The following GPBP1 variants were observed in gnomAD, a reference collection of about 807,000 sequenced individuals.
The protein encoded by GPBP1 is vasculin.
Under a neutral mutation model 56.5 loss-of-function variants are expected in GPBP1, and 13 were observed. That is an observed-to-expected ratio of 0.23 (90% CI 0.15 to 0.37). The LOEUF (loss-of-function observed/expected upper bound fraction) is 0.37. Among genes scored for constraint, GPBP1 ranks in the 10% least tolerant of loss-of-function variants. The pLI, the probability that GPBP1 is intolerant of heterozygous loss-of-function variation, is 1.00. For missense variants in GPBP1, 477 were observed against 572.3 expected (o/e 0.83, Z 1.70); for synonymous variants, 204 against 188.9 (o/e 1.08, Z -0.66).
rs145149550 is a variant in GPBP1, at chr5:57,244,432, T to C, written c.479-1868T>C. On this transcript the variant is annotated intron_variant, in intron 6 of 11. Transcript: ENST00000506184. Reference sequence around the variant, plus strand: ...TTGAACTAGAAGTCTCTGTTAGCCATGTTTAAACTTACTTAGTTGTAGTAT... The same window carrying C: ...TTGAACTAGAAGTCTCTGTTAGCCACGTTTAAACTTACTTAGTTGTAGTAT... Among the ~76,000 whole-genome samples, 474 of 152,338 alleles carry C rather than the reference T, an allele frequency of 3.1e-3. 4 individuals are homozygous for C. Among genetic ancestry groups the C allele is most frequent in the African/African-American group, 0.011 (453 of 41,582 alleles).
intron 2 of GPBP1, among the ~76,000 whole-genome samples, chr5:57,181,029 A>G (rs1754021427): frequency 6.6e-6 from 1 of 152,204 alleles, no homozygotes; most frequent in African/African-American, 2.4e-5. Flanking sequence ...TATAGTTTGA[A>G]AACTGAATTA....
chr5:57,179,893 G>A lies in GPBP1; in HGVS notation c.-58+3493G>A, dbSNP rs569317377. On this transcript the variant is annotated intron_variant, in intron 2 of 11. Transcript: ENST00000506184. ...ATTATGGGTGAGAGCCACTGGGCCCGGCCCCTTGTCTCTGTTTTTGAATTG... is the reference window on the plus strand; with the variant it reads ...ATTATGGGTGAGAGCCACTGGGCCCAGCCCCTTGTCTCTGTTTTTGAATTG... 3.3e-5 allele frequency among the ~76,000 whole-genome samples: 5 copies of A among 152,208 alleles called. No homozygotes were observed. In the East Asian group the frequency reaches 9.6e-4, roughly 29 times the overall value.
At chr5:57,186,408 T>C (rs952833791) in intron 2 of GPBP1, among the ~76,000 whole-genome samples, 2 of 151,974 alleles carry the variant, frequency 1.3e-5, no homozygotes, top group Non-Finnish European at 2.9e-5. Context: ...AAAAAATTTT[T>C]TTTTCTTTCA....
At chr5:57,197,469 T>G (rs1162924885) in intron 2 of GPBP1, among the ~76,000 whole-genome samples, 1 of 148,610 alleles carries the variant, frequency 6.7e-6, no homozygotes, top group East Asian at 2.0e-4. Flanking sequence ...GCAGTTCTCC[T>G]GCCTCAGCCT....
chr5:57,251,266 G>A, intron 10 of GPBP1, 125 bp downstream of exon 10: 1 of 779,528 alleles, frequency 1.3e-6, no homozygotes, highest in South Asian at 1.9e-5. Context: ...CACCCATTAT[G>A]ATATACAGAT....
In GPBP1 at chr5:57,231,150, T is replaced by C; in HGVS notation, c.240T>C (p.Gly80=). The change falls in exon 5 of 12, where the codon GGT becomes GGC. Residue 80 remains glycine, a synonymous_variant. Transcript: ENST00000506184. The stretch of plus-strand genomic sequence containing the variant: ...GATGGCGTACACATGGAAGAAATGG[T>C]ACAGAAAACATAAATCATCGAGGTG... ...KNGWRTHGRN[G]TENINHRGGY... 3 of 1,614,142 alleles carry C rather than the reference T, an allele frequency of 1.9e-6. No individual in the cohort carries two copies. The highest frequency in any genetic ancestry group is 2.5e-6 in the Non-Finnish European group (3 of 1,180,002).
chr5:57,183,078 C>G (rs1344739159), intron 2 of GPBP1, among the ~76,000 whole-genome samples: 1 of 152,018 alleles, frequency 6.6e-6, no homozygotes, highest in Non-Finnish European at 1.5e-5. Flanking sequence ...TTTTAAAACT[C>G]TTAGTTGCCA....
intron 10 of GPBP1, among the ~76,000 whole-genome samples, chr5:57,251,826 C>G (rs1741406615): frequency 6.6e-6 from 1 of 152,156 alleles, no homozygotes; most frequent in South Asian, 2.1e-4. Context: ...GTTCTAGTTT[C>G]TCCACATTCT....
intron 2 of GPBP1, among the ~76,000 whole-genome samples, chr5:57,183,760 T>A (rs2111589894): frequency 6.9e-6 from 1 of 144,652 alleles, no homozygotes; most frequent in East Asian, 2.0e-4. Context: ...ACGGGGGGGA[T>A]ATGAATTTTT....
In GPBP1 at chr5:57,263,202, C is replaced by T. The variant is rs1741981709; in HGVS notation, c.*450C>T. On this transcript the variant is annotated 3_prime_UTR_variant, in exon 12 of 12. Transcript: ENST00000506184. ...CTCAAGTCCACTTTGTGCGGTCTCC[C>T]TCTCCTTCCCCCAAAAAACAACAAC... is the stretch of plus-strand genomic sequence containing the variant. 1 of 152,786 alleles carries T rather than the reference C, an allele frequency of 6.5e-6. No individual in the cohort carries two copies. The highest frequency in any genetic ancestry group is 2.4e-5 in the African/African-American group (1 of 41,440). 9.5% of individuals were successfully genotyped at this position (152,786 alleles called of 1,614,324 possible). A position where few individuals can be genotyped will look rare whatever the true frequency, so the allele number is the denominator to read the frequency against.
At chr5:57,241,522 T>C (rs1740824771) in intron 6 of GPBP1, among the ~76,000 whole-genome samples, 1 of 152,142 alleles carries the variant, frequency 6.6e-6, no homozygotes, top group Admixed American at 6.6e-5. Context: ...AGCCAAGAGT[T>C]TGAGACCAGC....
chr5:57,219,791 G>A (rs1323009680), intron 3 of GPBP1, among the ~76,000 whole-genome samples: 2 of 152,248 alleles, frequency 1.3e-5, no homozygotes, highest in East Asian at 1.9e-4. Flanking sequence ...GGTGGCTCAT[G>A]CCTGTAATCC....
chr5:57,230,035 A>G (rs903366461), intron 3 of GPBP1, among the ~76,000 whole-genome samples: 1 of 149,246 alleles, frequency 6.7e-6, no homozygotes, highest in Non-Finnish European at 1.5e-5. Flanking sequence ...GGTTCAAGCG[A>G]TTCTCTTGCC....
At chr5:57,243,040 C>T (rs549786951) in intron 6 of GPBP1, among the ~76,000 whole-genome samples, 5 of 151,064 alleles carry the variant, frequency 3.3e-5, no homozygotes, top group African/African-American at 4.9e-5. Context: ...TGAGCCACTG[C>T]GCCCGGCCTA....
chr5:57,249,186 C>G (rs1246330653), intron 8 of GPBP1: 3 of 405,480 alleles, frequency 7.4e-6, no homozygotes, highest in African/African-American at 2.0e-5. Context: ...AATCATAGTT[C>G]TGAGTATTAT....
Position 57,262,833 on chromosome 5 carries a change from ATAATT to A in GPBP1, c.*84_*88del, listed in dbSNP as rs1300323733. The A allele has an allele frequency of 3.8e-6, 5 of 1,302,744 alleles. No individual in the cohort carries two copies. Among genetic ancestry groups the A allele is most frequent in the Non-Finnish European group, 5.4e-6 (5 of 930,604 alleles). 80.7% of individuals were successfully genotyped at this position (1,302,744 alleles called of 1,614,324 possible). ...GGGTGAATTGTAAAAATGAAGAACT[ATAATT>A]TATGTAGTGAAATACCCCATTAGAA... is the stretch of plus-strand genomic sequence containing the variant. On this transcript the variant is annotated 3_prime_UTR_variant, in exon 12 of 12. Transcript: ENST00000506184.
At position 57,230,338 on chromosome 5, in the gene GPBP1, T is replaced by G. The variant is rs1240896069; in HGVS notation, c.64-508T>G. Among the ~76,000 whole-genome samples the G allele has an allele frequency of 2.0e-5, 3 of 152,228 alleles. No individual in the cohort carries two copies. In the East Asian group the frequency reaches 5.8e-4, roughly 29 times the overall value. ...GACTTTTATACATTGTTAGAACTTT[T>G]CTGTATTTCTAATTTTTTGGAATAC... is the stretch of plus-strand genomic sequence containing the variant. On this transcript the variant is annotated intron_variant, in intron 3 of 11. Coordinates refer to ENST00000506184, the MANE Select transcript of GPBP1 (RefSeq NM_022913.4).
Position 57,231,167 on chromosome 5 carries a change from A to T in GPBP1, c.257A>T (p.His86Leu), listed in dbSNP as rs755272214. 1.2e-6 allele frequency: 2 copies of T among 1,614,214 alleles called. No homozygotes were observed. Among genetic ancestry groups the T allele is most frequent in the East Asian group, 4.5e-5 (2 of 44,886 alleles). Reference protein sequence around the residue: ...HGRNGTENINHRGGYHGGSSR... With the variant: ...HGRNGTENINLRGGYHGGSSR... ...AGAAATGGTACAGAAAACATAAATC[A>T]TCGAGGTGGATACCATGGTGGAAGT... Residue 86 changes from histidine (H) to leucine (L), a missense_variant, in exon 5 of 12, where the codon CAT (histidine) becomes CTT (leucine). Coordinates refer to ENST00000506184, the MANE Select transcript of GPBP1 (RefSeq NM_022913.4).
rs865825923 is a variant in GPBP1, at chr5:57,250,096, C to G, written c.972+520C>G. 1.0e-4 allele frequency among the ~76,000 whole-genome samples: 15 copies of G among 145,916 alleles called. No individual in the cohort carries two copies. The South Asian group carries it at 1.8e-3, about 18-fold the overall frequency. On this transcript the variant is annotated intron_variant, in intron 9 of 11. Transcript: ENST00000506184. ...GTTCAAGCAATTCTTGTTCCTCAGC[C>G]TTCCTGGTAGCTGGGACTATATTTA... is the stretch of plus-strand genomic sequence containing the variant.
Sources: gnomAD v4.1 joint callset for allele counts (sites outside exome capture counted in the v4.1 genomes callset) on GRCh38, gnomAD v4.1.1 for gene constraint, MANE v1.5 for transcripts, NCBI Gene and HGNC (gene_info 2026-07-23, HGNC 2026-07-21) for gene names.